LRP3: variants seen among roughly 807,000 people sequenced by gnomAD.
LRP3 encodes low-density lipoprotein receptor-related protein 3.
In LRP3, 49 loss-of-function variants were observed where a neutral mutation model predicts 58.5. That is an observed-to-expected ratio of 0.84 (90% CI 0.67 to 1.06). The LOEUF is 1.06. LRP3 is among the 50% of genes least tolerant of loss of function. The pLI, the probability that LRP3 is intolerant of heterozygous loss-of-function variation, is 0.00. For synonymous variants in LRP3, 485 were observed against 492.2 expected, an observed-to-expected ratio of 0.99 and a Z score of 0.20; for missense variants, 1,019 against 1,134.2, an observed-to-expected ratio of 0.90 and a Z score of 1.46.
Position 33,196,176 on chromosome 19 carries a change from G to T in LRP3, c.74-554G>T, listed in dbSNP as rs559709931. 7.2e-5 allele frequency among the ~76,000 whole-genome samples: 11 copies of T among 152,290 alleles called. No homozygotes were observed. The East Asian group carries it at 2.1e-3, about 29-fold the overall frequency. On this transcript the variant is annotated intron_variant, in intron 1 of 6. Coordinates refer to ENST00000253193, the MANE Select transcript of LRP3 (RefSeq NM_002333.4). Reference sequence around the variant, plus strand: ...GTCACTAGCTGCGTGCCCTGTAAATGGGGATTATCAGAACTGCCTCCCCTC... The same window carrying T: ...GTCACTAGCTGCGTGCCCTGTAAATTGGGATTATCAGAACTGCCTCCCCTC...
At chr19:33,204,986 C>A in intron 4 of LRP3, 134 bp downstream of exon 4, 1 of 858,216 alleles carries the variant, frequency 1.2e-6, no homozygotes, top group Non-Finnish European at 1.8e-6. Context: ...CCCTGTCAAT[C>A]TCAGGACAGT....
Position 33,208,617 on chromosome 19 carries a change from CCAGCCACTCCCATCTGTGCCCAT to C in LRP3, c.*1046_*1068del. On this transcript the variant is annotated 3_prime_UTR_variant, in exon 7 of 7. Coordinates refer to ENST00000253193, the MANE Select transcript of LRP3 (RefSeq NM_002333.4). This position sits in a 1 kb window ranked among gnomAD's most constrained non-coding sequence, Gnocchi z 4.7. ...ATGTGTGCACCCACCGAGGTACGCC[CCAGCCACTCCCATCTGTGCCCAT>C]CAGGGACTCCCCATAGCACGAGCGA... 1 of 515,852 alleles carries C rather than the reference CCAGCCACTCCCATCTGTGCCCAT, an allele frequency of 1.9e-6. No individual in the cohort carries two copies. Among genetic ancestry groups the C allele is most frequent in the South Asian group, 2.1e-5 (1 of 48,038 alleles). The allele number at this position is 515,852 out of a possible 1,614,324, so 32.0% of individuals were successfully genotyped here. A position where few individuals can be genotyped will look rare whatever the true frequency, so the allele number is the denominator to read the frequency against.
In LRP3 at chr19:33,204,752, A is replaced by C. The variant is rs1292076382; in HGVS notation, c.375A>C (p.Pro125=). The change falls in exon 4 of 7, where the codon CCA becomes CCC. Residue 125 remains proline, a synonymous_variant. Transcript: ENST00000253193. Reference sequence around the variant, plus strand: ...TCCGCCTCTGTGGCTCCGCCATCCCACCTGCCTTCATCTCTGCCCGCGACC... The same window carrying C: ...TCCGCCTCTGTGGCTCCGCCATCCCCCCTGCCTTCATCTCTGCCCGCGACC... ...EAFRLCGSAI[P]PAFISARDHV... 1.2e-6 allele frequency: 2 copies of C among 1,612,492 alleles called. No individual in the cohort carries two copies. The highest frequency in any genetic ancestry group is 3.3e-5 in the Admixed American group (2 of 60,008).
rs1568380209 is a variant in LRP3 at position 33,196,741 on chromosome 19, C to G, written c.85C>G (p.Leu29Val). ...LAVVCLVNIF[L>V]TGRLSSAVPA... ...TGTATCTCCCACAGTGAACATCTTT[C>G]TCACCGGGAGACTCAGCAGTGCGGT... is the stretch of plus-strand genomic sequence containing the variant. The change falls in exon 2 of 7, where the codon CTC becomes GTC. Residue 29 changes from leucine (L) to valine (V), a missense_variant. Leu to Val is a conservative substitution (Grantham distance 32). Coordinates refer to ENST00000253193, the MANE Select transcript of LRP3 (RefSeq NM_002333.4). 6 of 1,614,180 alleles carry G rather than the reference C, an allele frequency of 3.7e-6. No individual in the cohort carries two copies. Among genetic ancestry groups the G allele is most frequent in the Non-Finnish European group, 5.1e-6 (6 of 1,179,986 alleles).
chr19:33,205,838 C>T lies in LRP3; in HGVS notation c.1068C>T (p.His356=), dbSNP rs767067413. The change falls in exon 5 of 7, where the codon CAC becomes CAT. Residue 356 remains histidine (H), a synonymous_variant. Coordinates refer to ENST00000253193, the MANE Select transcript of LRP3 (RefSeq NM_002333.4). The stretch of plus-strand genomic sequence containing the variant: ...ACGCGCGCGCCCGCAGCGCCGGCCA[C>T]GGCTTCAATGCCACCTACCAGGTGA... ...AYHARARSAG[H]GFNATYQVKG... The T allele has an allele frequency of 1.4e-5, 22 of 1,590,884 alleles. No homozygotes were observed. The highest frequency in any genetic ancestry group is 4.5e-5 in the East Asian group (2 of 44,370).
chr19:33,203,554 G>T (rs150988918), intron 3 of LRP3, among the ~76,000 whole-genome samples: 1 of 152,236 alleles, frequency 6.6e-6, no homozygotes, highest in South Asian at 2.1e-4. Context: ...ATGCATGCAC[G>T]CAAGTGTGTC....
In LRP3 at chr19:33,203,002, G is replaced by A. The variant is rs1476314254; in HGVS notation, c.260+16G>A. Reference sequence around the variant, plus strand: ...TTACCATCAGGTAGGGGCACCCGGGGGTGTCGGAAGGAATCAATGTGGGCC... The same window carrying A: ...TTACCATCAGGTAGGGGCACCCGGGAGTGTCGGAAGGAATCAATGTGGGCC... On this transcript the variant is annotated intron_variant, in intron 3 of 6. Coordinates refer to ENST00000253193, the MANE Select transcript of LRP3 (RefSeq NM_002333.4). 1.9e-6 allele frequency: 3 copies of A among 1,610,820 alleles called. No individual in the cohort carries two copies. Among genetic ancestry groups the A allele is most frequent in the Admixed American group, 1.7e-5 (1 of 59,810 alleles).
At chr19:33,202,130 C>T (rs542269781) in intron 2 of LRP3, among the ~76,000 whole-genome samples, 4 of 152,190 alleles carry the variant, frequency 2.6e-5, no homozygotes, top group Admixed American at 1.3e-4. Flanking sequence ...CACCTGGTTC[C>T]GAGATCTACC....
intron 1 of LRP3, among the ~76,000 whole-genome samples, chr19:33,196,477 G>C (rs1237812981): frequency 6.6e-6 from 1 of 152,228 alleles, no homozygotes; most frequent in Non-Finnish European, 1.5e-5. Flanking sequence ...AGGATTGCTT[G>C]AGCTCGGGAG....
chr19:33,207,327 C>T lies in LRP3; in HGVS notation c.2065C>T (p.Arg689Ter). Residue 689 changes from arginine (R) to a stop codon, truncating the protein, a stop_gained, in exon 7 of 7, where the codon CGA (arginine) becomes TGA (stop). Transcript: ENST00000253193. LOFTEE classifies it high-confidence loss of function. ...PSGPPLPSGL[R>*]DPECRPVDKD... is the part of the protein sequence containing the mutation. ...AGGGCCACCCTTGCCCTCGGGCCTG[C>T]GAGACCCAGAGTGCAGGCCCGTGGA... is the stretch of plus-strand genomic sequence containing the variant. 8 of 1,576,546 alleles carry T rather than the reference C, an allele frequency of 5.1e-6. No homozygotes were observed. The highest frequency in any genetic ancestry group is 3.4e-5 in the South Asian group (3 of 87,614).
chr19:33,204,281 T>G, intron 3 of LRP3: 1 of 274,340 alleles, frequency 3.6e-6, no homozygotes, highest in Non-Finnish European at 7.0e-6. Flanking sequence ...CACTGCCCTT[T>G]TGGGGAGGGT....
intron 2 of LRP3, among the ~76,000 whole-genome samples, chr19:33,199,220 C>T (rs548742920): frequency 1.3e-5 from 2 of 152,296 alleles, no homozygotes; most frequent in East Asian, 1.9e-4. Context: ...TGTCATGAAC[C>T]TCACCTCCAT....
intron 2 of LRP3, among the ~76,000 whole-genome samples, chr19:33,199,315 G>C (rs773955075): frequency 6.6e-6 from 1 of 152,046 alleles, no homozygotes; most frequent in Admixed American, 6.5e-5. Flanking sequence ...GGTCAAGCAG[G>C]GTTCTTGCCT....
At position 33,203,141 on chromosome 19, in the gene LRP3, A is replaced by G. The variant is rs565339090; in HGVS notation, c.260+155A>G. Among the ~76,000 whole-genome samples the G allele has an allele frequency of 1.2e-4, 18 of 151,738 alleles. 1 individual carries two copies. In the South Asian group the frequency reaches 2.1e-3, roughly 18 times the overall value. ...GGATCATGTGCATGTGTGTGAGCAT[A>G]TGAGTGAGGCGTGTGTGAGCACTCG... On this transcript the variant is annotated intron_variant, in intron 3 of 6. Transcript: ENST00000253193.
Position 33,206,174 on chromosome 19 carries a change from C to T in LRP3, c.1404C>T (p.Ile468=), listed in dbSNP as rs1339926351. Residue 468 remains isoleucine (I), a synonymous_variant, in exon 5 of 7, where the codon ATC becomes ATT. Transcript: ENST00000253193. ...TCCACTGCGGTACCAACCTGTGCAT[C>T]TTCGAGACGTGGCGCTGTGACGGCC... ...GTFHCGTNLC[I]FETWRCDGQE... is the part of the protein sequence containing the mutation. 1 of 1,597,276 alleles carries T rather than the reference C, an allele frequency of 6.3e-7. No homozygotes were observed. Among genetic ancestry groups the T allele is most frequent in the Non-Finnish European group, 8.5e-7 (1 of 1,171,386 alleles).
chr19:33,198,117 G>A (rs900139695), intron 2 of LRP3, among the ~76,000 whole-genome samples: 6 of 152,194 alleles, frequency 3.9e-5, no homozygotes, highest in African/African-American at 1.4e-4. Context: ...GAATGAGGGT[G>A]TCACAGCTTA....
Position 33,207,458 on chromosome 19 carries a change from TG to T in LRP3, c.2197del (p.Ala733ProfsTer45). On this transcript the variant is annotated frameshift_variant, in exon 7 of 7. Transcript: ENST00000253193. LOFTEE classifies it high-confidence loss of function. ...AGGACCCGCACCCCCAGGTCTCCAC[TG>T]CCAGCAGCACCCTGGGCCCCCACTC... ...AQDPHPQVST[A>X]SSTLGPHSPE... 6.3e-7 allele frequency: 1 copy of T among 1,599,422 alleles called. No homozygotes were observed. Among genetic ancestry groups the T allele is most frequent in the East Asian group, 2.2e-5 (1 of 44,486 alleles).
rs781017063 is a variant in LRP3, at chr19:33,205,723, G to C, written c.953G>C (p.Gly318Ala). 22 of 1,600,460 alleles carry C rather than the reference G, an allele frequency of 1.4e-5. No individual in the cohort carries two copies. The highest frequency in any genetic ancestry group is 1.2e-5 in the Non-Finnish European group (14 of 1,177,846). Residue 318 changes from glycine to alanine, a missense_variant, in exon 5 of 7, where the codon GGG (glycine) becomes GCG (alanine). Coordinates refer to ENST00000253193, the MANE Select transcript of LRP3 (RefSeq NM_002333.4). ...VQVYEGLGER[G>A]DRLLQTLSYR... is the part of the protein sequence containing the mutation. Reference sequence around the variant, plus strand: ...GTATACGAGGGCCTGGGCGAGCGCGGGGACCGCCTGCTGCAGACGCTGTCC... The same window carrying C: ...GTATACGAGGGCCTGGGCGAGCGCGCGGACCGCCTGCTGCAGACGCTGTCC...
At position 33,207,987 on chromosome 19, in the gene LRP3, T is replaced by C; in HGVS notation, c.*412T>C. 4.8e-6 allele frequency: 1 copy of C among 206,406 alleles called. No homozygotes were observed. Among genetic ancestry groups the C allele is most frequent in the South Asian group, 8.0e-5 (1 of 12,458 alleles). The allele number at this position is 206,406 out of a possible 1,614,324, so 12.8% of individuals were successfully genotyped here. A position where few individuals can be genotyped will look rare whatever the true frequency, so the allele number is the denominator to read the frequency against. ...GACGCTGGGTCTCATCCGTGGTGACTATTTTGCTCACGCCTCACCCTCTTC... is the reference window on the plus strand; with the variant it reads ...GACGCTGGGTCTCATCCGTGGTGACCATTTTGCTCACGCCTCACCCTCTTC... On this transcript the variant is annotated 3_prime_UTR_variant, in exon 7 of 7. Coordinates refer to ENST00000253193, the MANE Select transcript of LRP3 (RefSeq NM_002333.4).
Sources: allele counts gnomAD v4.1 joint callset (sites outside exome capture counted in the v4.1 genomes callset), GRCh38; gene constraint gnomAD v4.1.1; non-coding constraint Gnocchi (gnomAD v3.1); transcripts MANE v1.5; gene names NCBI Gene and HGNC (gene_info 2026-07-23, HGNC 2026-07-21).